NOL4: variants seen among roughly 807,000 people sequenced by gnomAD.
NOL4 encodes cancer/testis antigen 125.
In NOL4, 17 loss-of-function variants were observed where a neutral mutation model predicts 75.9. The ratio of observed to expected loss-of-function variants is 0.22; its 90% confidence interval spans 0.15 to 0.34. The LOEUF is 0.34. Among genes scored for constraint, NOL4 ranks in the 10% least tolerant of loss-of-function variants. NOL4 has a pLI of 1.00. For missense variants in NOL4, 614 were observed against 793.5 expected (o/e 0.77, Z 2.72); for synonymous variants, 292 against 289.9 (o/e 1.01, Z -0.07).
intron 8 of NOL4, among the ~76,000 whole-genome samples, chr18:33,948,128 G>T (rs548969445): frequency 9.2e-5 from 14 of 152,006 alleles, no homozygotes; most frequent in Non-Finnish European, 2.1e-4. Context: ...GGTTAATGTG[G>T]TGATGCTCTT....
rs373281569 is a variant in NOL4 at position 33,986,973 on chromosome 18, T to C, written c.1057-28555A>G. On this transcript the variant is annotated intron_variant, in intron 6 of 10. Transcript: ENST00000261592. ...TCTGACATTCTGAAAAAGGCAGAAATATAGAGACAAAAAACAGGTTAGTGA... is the reference window on the plus strand; with the variant it reads ...TCTGACATTCTGAAAAAGGCAGAAACATAGAGACAAAAAACAGGTTAGTGA... 5.9e-5 allele frequency among the ~76,000 whole-genome samples: 9 copies of C among 152,042 alleles called. No individual in the cohort carries two copies. The East Asian group carries it at 7.8e-4, about 13-fold the overall frequency.
At chr18:33,984,016 T>C (rs2072222900) in intron 6 of NOL4, among the ~76,000 whole-genome samples, 2 of 152,120 alleles carry the variant, frequency 1.3e-5, no homozygotes, top group African/African-American at 4.8e-5. Flanking sequence ...AAGAAATCAT[T>C]TGGGTTTCAA....
rs987995205 is a variant in NOL4, at chr18:33,938,401, G to C, written c.1542+4664C>G. 3.3e-5 allele frequency among the ~76,000 whole-genome samples: 5 copies of C among 152,120 alleles called. No individual in the cohort carries two copies. In the East Asian group the frequency reaches 9.7e-4, roughly 29 times the overall value. On this transcript the variant is annotated intron_variant, in intron 9 of 10. Coordinates refer to ENST00000261592, the MANE Select transcript of NOL4 (RefSeq NM_003787.5). ...GAAAATAATATTTTTCCCACCAACC[G>C]TGTAAAAGCATTGCTATTTCTCCAC...
intron 9 of NOL4, among the ~76,000 whole-genome samples, chr18:33,940,180 G>A (rs900475465): frequency 1.3e-5 from 2 of 152,024 alleles, no homozygotes; most frequent in African/African-American, 4.8e-5. Context: ...AATACCATTT[G>A]ACCCAGCAAT....
chr18:34,084,464 G>T (rs2078157046), intron 5 of NOL4, among the ~76,000 whole-genome samples: 1 of 152,112 alleles, frequency 6.6e-6, no homozygotes, highest in South Asian at 2.1e-4. Context: ...AGGGTTGAGT[G>T]CATTTCACTA....
At chr18:33,942,240 C>A (rs1056595509) in intron 9 of NOL4, among the ~76,000 whole-genome samples, 22 of 151,900 alleles carry the variant, frequency 1.4e-4, no homozygotes, top group African/African-American at 5.3e-4. Context: ...AGCATATAAT[C>A]CATTTGTTGT....
intron 1 of NOL4, among the ~76,000 whole-genome samples, chr18:34,197,363 T>A (rs2146452529): frequency 6.6e-6 from 1 of 151,934 alleles, no homozygotes; most frequent in South Asian, 2.1e-4. Context: ...CAAGGAGAGG[T>A]CAAAAAGAAA....
intron 4 of NOL4, among the ~76,000 whole-genome samples, chr18:34,097,324 G>A (rs991803310): frequency 6.6e-6 from 1 of 152,014 alleles, no homozygotes; most frequent in African/African-American, 2.4e-5. Flanking sequence ...TACATTATCA[G>A]CATCTCTATG....
In NOL4 at chr18:33,906,793, AGAT is replaced by A. The variant is rs374087184; in HGVS notation, c.1543-23372_1543-23370del. Among the ~76,000 whole-genome samples, 50 of 152,334 alleles carry A rather than the reference AGAT, an allele frequency of 3.3e-4. No homozygotes were observed. In the South Asian group the frequency reaches 0.01, roughly 31 times the overall value. On this transcript the variant is annotated intron_variant, in intron 9 of 10. Coordinates refer to ENST00000261592, the MANE Select transcript of NOL4 (RefSeq NM_003787.5). ...TTTCATCAAAAGTAAAGGAGAAAAA[AGAT>A]GATATTTTCCTTTTCCACACCCTTA...
At chr18:33,950,909 G>A (rs1193221680) in intron 8 of NOL4, among the ~76,000 whole-genome samples, 2 of 152,136 alleles carry the variant, frequency 1.3e-5, no homozygotes, top group Non-Finnish European at 2.9e-5. Context: ...CATACTAGGT[G>A]TACCAGGTAC....
At chr18:34,206,172 G>T (rs575422318) in intron 1 of NOL4, among the ~76,000 whole-genome samples, 2 of 152,060 alleles carry the variant, frequency 1.3e-5, no homozygotes, top group Non-Finnish European at 2.9e-5. Context: ...TTACAGATTT[G>T]TAGTTTAAAC....
At chr18:34,030,096 A>T (rs1362980948) in intron 5 of NOL4, among the ~76,000 whole-genome samples, 1 of 152,204 alleles carries the variant, frequency 6.6e-6, no homozygotes, top group Non-Finnish European at 1.5e-5. Context: ...TCCTATCTCA[A>T]AGTCAAAGTA....
At chr18:34,202,183 G>A (rs1043657394) in intron 1 of NOL4, among the ~76,000 whole-genome samples, 1 of 151,858 alleles carries the variant, frequency 6.6e-6, no homozygotes, top group Non-Finnish European at 1.5e-5. Context: ...TATATTAAGT[G>A]TTTATTAAGC....
chr18:34,162,537 GGAA>G (rs2146188911), intron 1 of NOL4, among the ~76,000 whole-genome samples: 1 of 152,262 alleles, frequency 6.6e-6, no homozygotes, highest in South Asian at 2.1e-4. Flanking sequence ...GACTAAACCA[GGAA>G]GAAGTTGAAT....
intron 5 of NOL4, among the ~76,000 whole-genome samples, chr18:34,047,021 G>A (rs2076410503): frequency 6.6e-6 from 1 of 152,040 alleles, no homozygotes; most frequent in Admixed American, 6.6e-5. Context: ...ACCAGGTTCT[G>A]CATAGTTACA....
intron 1 of NOL4, among the ~76,000 whole-genome samples, chr18:34,185,977 T>G (rs2034434197): frequency 6.6e-6 from 1 of 152,192 alleles, no homozygotes. Flanking sequence ...TTACTTCATT[T>G]TAGTGATTAG....
intron 1 of NOL4, among the ~76,000 whole-genome samples, chr18:34,161,119 C>T (rs1486296274): frequency 6.6e-6 from 1 of 152,122 alleles, no homozygotes; most frequent in Non-Finnish European, 1.5e-5. Context: ...GTCCTTCGGG[C>T]TCAGCAATGT....
intron 1 of NOL4, among the ~76,000 whole-genome samples, chr18:34,188,329 C>T (rs73955470): frequency 0.016 from 2,370 of 152,210 alleles, 69 homozygotes; most frequent in African/African-American, 0.055. Context: ...GATACAATGC[C>T]AGAGTTAGCT....
rs1174642749 is a variant in NOL4 at position 33,861,203 on chromosome 18, G to A, written c.1724-8168C>T. On this transcript the variant is annotated intron_variant, in intron 10 of 10. Transcript: ENST00000261592. Reference sequence around the variant, plus strand: ...TCTATTGATTGGAATAGTTTCAGAAGGAATGGTACCAGTTCCTCCTTGTAC... The same window carrying A: ...TCTATTGATTGGAATAGTTTCAGAAAGAATGGTACCAGTTCCTCCTTGTAC... 2.0e-5 allele frequency among the ~76,000 whole-genome samples: 3 copies of A among 152,158 alleles called. No individual in the cohort carries two copies. In the East Asian group the frequency reaches 5.8e-4, roughly 29 times the overall value.
Sources: allele counts gnomAD v4.1 joint callset (sites outside exome capture counted in the v4.1 genomes callset), GRCh38; gene constraint gnomAD v4.1.1; transcripts MANE v1.5; gene names NCBI Gene and HGNC (gene_info 2026-07-23, HGNC 2026-07-21).